The following RUFY3 variants were observed in gnomAD, a reference collection of about 807,000 sequenced individuals.
The protein encoded by RUFY3 is protein RUFY3.
RUFY3 carries 34 observed loss-of-function variants against 84.0 expected under a neutral mutation model. That is an observed-to-expected ratio of 0.40 (90% CI 0.31 to 0.54). RUFY3 has a LOEUF of 0.54. Among genes scored for constraint, RUFY3 ranks in the 20% least tolerant of loss-of-function variants. The pLI is 0.39. For missense variants in RUFY3, 507 were observed against 736.8 expected, an observed-to-expected ratio of 0.69 and a Z score of 3.61; for synonymous variants, 242 against 252.9, an observed-to-expected ratio of 0.96 and a Z score of 0.41.
Position 70,806,815 on chromosome 4 carries a change from C to T in RUFY3, c.*156C>T. ...GGAGAAAAGGCAGTGGTTGGGGTTA[C>T]TGGAAATTTTGCTCATTTTCTCTAA... On this transcript the variant is annotated 3_prime_UTR_variant, in exon 18 of 18. Transcript: ENST00000381006. 5 of 891,142 alleles carry T rather than the reference C, an allele frequency of 5.6e-6. No individual in the cohort carries two copies. The highest frequency in any genetic ancestry group is 8.2e-6 in the Non-Finnish European group (5 of 612,926). The allele number at this position is 891,142 out of a possible 1,614,324, so 55.2% of individuals were successfully genotyped here.
At position 70,722,506 on chromosome 4, in the gene RUFY3, A is replaced by AT. The variant is rs1371015615; in HGVS notation, c.-61dup. The stretch of plus-strand genomic sequence containing the variant: ...TTTTTTTGGTGAGGAGGTTGTATTT[A>AT]TTTTTTTGGTGTGTGTGTGTGAGTG... On this transcript the variant is annotated 5_prime_UTR_variant, in exon 1 of 18. Coordinates refer to ENST00000381006, the MANE Select transcript of RUFY3 (RefSeq NM_001037442.4). 1.4e-6 allele frequency: 2 copies of AT among 1,408,852 alleles called. No individual in the cohort carries two copies. Among genetic ancestry groups the AT allele is most frequent in the Non-Finnish European group, 1.9e-6 (2 of 1,069,036 alleles). The allele number at this position is 1,408,852 out of a possible 1,614,324, so 87.3% of individuals were successfully genotyped here.
At chr4:70,704,907 T>G in exon 1 of RUFY3, 1 of 1,200,524 alleles carries the variant, frequency 8.3e-7, no homozygotes, top group Non-Finnish European at 1.0e-6. Context: ...CGGGCGCGAA[T>G]CGGAGGCTGC....
intron 10 of RUFY3, among the ~76,000 whole-genome samples, chr4:70,786,397 CT>C (rs990528547): frequency 9.8e-5 from 14 of 142,948 alleles, no homozygotes; most frequent in Non-Finnish European, 1.8e-4. Flanking sequence ...TTTTTTTTTT[CT>C]TTTTTTTTAT....
At chr4:70,798,312 T>A (rs1731779845) in intron 14 of RUFY3, among the ~76,000 whole-genome samples, 1 of 152,104 alleles carries the variant, frequency 6.6e-6, no homozygotes, top group Non-Finnish European at 1.5e-5. Context: ...GAGGCTGCAG[T>A]GAGCTGTGAT....
intron 3 of RUFY3, among the ~76,000 whole-genome samples, chr4:70,764,142 A>G (rs887164405): frequency 2.0e-5 from 3 of 152,224 alleles, no homozygotes; most frequent in African/African-American, 4.8e-5. Flanking sequence ...CTGTGTCCAC[A>G]TTCATGCTTT....
At chr4:70,792,703 G>T in intron 12 of RUFY3, 1 of 985,156 alleles carries the variant, frequency 1.0e-6, no homozygotes, top group Non-Finnish European at 1.2e-6. Flanking sequence ...CTTTTTCTTG[G>T]CAAAACCAGA....
intron 3 of RUFY3, 69 bp downstream of exon 3, chr4:70,763,738 C>A: frequency 1.3e-6 from 2 of 1,543,960 alleles, no homozygotes; most frequent in Non-Finnish European, 1.7e-6. Context: ...AAGAGCAAGA[C>A]TAAAGACAAT....
At chr4:70,791,763 T>C (rs1730854498) in intron 12 of RUFY3, 1 of 989,772 alleles carries the variant, frequency 1.0e-6, no homozygotes, top group African/African-American at 1.7e-5. Flanking sequence ...TCTTCTAAAA[T>C]AGTTCTGTGT....
chr4:70,727,979 A>C (rs2148602975), intron 1 of RUFY3, among the ~76,000 whole-genome samples: 1 of 152,270 alleles, frequency 6.6e-6, no homozygotes, highest in African/African-American at 2.4e-5. Flanking sequence ...AGAAATGTAT[A>C]TGTTAATAAA....
At position 70,709,661 on chromosome 4, in the gene RUFY3, G is replaced by A. The variant is rs1041097130; in HGVS notation, c.358+4367G>A. The stretch of plus-strand genomic sequence containing the variant: ...CTTTTCCATCCTGCCGTTAGAGATC[G>A]TCTTGTGAATGGACAGGATAGACAA... On this transcript the variant is annotated intron_variant, in intron 1 of 11. Transcript: ENST00000417478. Among the ~76,000 whole-genome samples the A allele has an allele frequency of 5.3e-5, 8 of 152,158 alleles. No homozygotes were observed. The South Asian group carries it at 6.2e-4, about 12-fold the overall frequency.
In RUFY3 at chr4:70,784,888, T is replaced by C. The variant is rs2148780181; in HGVS notation, c.1071+9T>C. 2 of 1,577,808 alleles carry C rather than the reference T, an allele frequency of 1.3e-6. No homozygotes were observed. ...AGACACAATTACGATTGGTAAACTA[T>C]GCTTAATTTCTAATAGTTCAGGAAT... On this transcript the variant is annotated intron_variant, in intron 10 of 17. Transcript: ENST00000381006.
At chr4:70,727,787 C>CAA (rs1228588349) in intron 1 of RUFY3, among the ~76,000 whole-genome samples, 3 of 84,696 alleles carry the variant, frequency 3.5e-5, no homozygotes, top group Admixed American at 1.3e-4. Flanking sequence ...AACTCTGTCT[C>CAA]AAAAAAAAAA....
intron 1 of RUFY3, among the ~76,000 whole-genome samples, chr4:70,752,903 G>T (rs1469301069): frequency 1.3e-5 from 2 of 152,116 alleles, no homozygotes; most frequent in African/African-American, 4.8e-5. Flanking sequence ...TGGTCTCAAG[G>T]TAATATTAGT....
At chr4:70,727,198 T>C (rs1421898421) in intron 1 of RUFY3, among the ~76,000 whole-genome samples, 1 of 151,860 alleles carries the variant, frequency 6.6e-6, no homozygotes, top group African/African-American at 2.4e-5. Flanking sequence ...TTAAGCATCA[T>C]TATATTAATT....
intron 1 of RUFY3, among the ~76,000 whole-genome samples, chr4:70,709,127 A>G (rs184715076): frequency 6.6e-5 from 10 of 152,338 alleles, no homozygotes; most frequent in Admixed American, 4.6e-4. Flanking sequence ...TTTTGTTCCA[A>G]AATCTTGCAG....
chr4:70,705,173 G>GCGCC lies in RUFY3; in HGVS notation c.242_245dup (p.Pro83AlafsTer41). ...GCGATGGAGGCGCCGGCTTCGGAGT[G>GCGCC]CGCCCGCCGCCGCAGCAGCAGCGCT... is the stretch of plus-strand genomic sequence containing the variant. On this transcript the variant is annotated frameshift_variant, in exon 1 of 12. Transcript: ENST00000417478. LOFTEE classifies it high-confidence loss of function. 6.8e-7 allele frequency: 1 copy of GCGCC among 1,461,428 alleles called. No homozygotes were observed. Among genetic ancestry groups the GCGCC allele is most frequent in the East Asian group, 3.0e-5 (1 of 32,808 alleles). 90.5% of individuals were successfully genotyped at this position (1,461,428 alleles called of 1,614,324 possible).
chr4:70,792,386 A>C, intron 12 of RUFY3: 1 of 962,320 alleles, frequency 1.0e-6, no homozygotes, highest in Non-Finnish European at 1.2e-6. Flanking sequence ...ATTATTATTT[A>C]GTACAAAAAT....
chr4:70,781,741 GCTTA>G (rs1728956867), intron 8 of RUFY3, among the ~76,000 whole-genome samples: 1 of 152,206 alleles, frequency 6.6e-6, no homozygotes, highest in Non-Finnish European at 1.5e-5. Flanking sequence ...GCTTCTCTGT[GCTTA>G]CCATGTTAGG....
chr4:70,803,056 T>G, intron 16 of RUFY3, 73 bp downstream of exon 16: 1 of 1,106,748 alleles, frequency 9.0e-7, no homozygotes, highest in Non-Finnish European at 1.4e-6. Context: ...AGCCAGCAAA[T>G]AAGGTAGCAT....
Sources: gnomAD v4.1 joint callset for allele counts (sites outside exome capture counted in the v4.1 genomes callset) on GRCh38, gnomAD v4.1.1 for gene constraint, MANE v1.5 for transcripts, NCBI Gene and HGNC (gene_info 2026-07-23, HGNC 2026-07-21) for gene names.